The following FYN variants were observed in gnomAD, a reference collection of about 807,000 sequenced individuals.
The protein encoded by FYN is tyrosine-protein kinase Fyn.
Under a neutral mutation model 70.2 loss-of-function variants are expected in FYN, and 10 were observed. That is an observed-to-expected ratio of 0.14 (90% CI 0.09 to 0.24). The LOEUF is 0.24. FYN is among the 10% of genes least tolerant of loss of function. The pLI is 1.00. For missense variants in FYN, 319 were observed against 673.1 expected (o/e 0.47, Z 5.82); for synonymous variants, 236 against 248.6 (o/e 0.95, Z 0.48).
intron 2 of FYN, among the ~76,000 whole-genome samples, chr6:111,806,193 G>A (rs1772141510): frequency 6.6e-6 from 1 of 152,158 alleles, no homozygotes; most frequent in South Asian, 2.1e-4. Context: ...TGTGTTCGGA[G>A]ATGAAATACA....
intron 2 of FYN, among the ~76,000 whole-genome samples, chr6:111,826,027 G>A (rs982402563): frequency 1.3e-5 from 2 of 152,118 alleles, no homozygotes; most frequent in African/African-American, 2.4e-5. Context: ...ACAACCATGG[G>A]AGTAGAAGCA....
intron 1 of FYN, among the ~76,000 whole-genome samples, chr6:111,866,910 C>G (rs1277845181): frequency 1.3e-5 from 2 of 152,296 alleles, no homozygotes; most frequent in African/African-American, 4.8e-5. Context: ...ACTTCTCCCC[C>G]TCTAGTTCTC....
intron 2 of FYN, among the ~76,000 whole-genome samples, chr6:111,800,575 A>G (rs1046815596): frequency 1.3e-5 from 2 of 152,220 alleles, no homozygotes; most frequent in Non-Finnish European, 1.5e-5. Context: ...CGCTTCCTAA[A>G]TCTGTCACAG....
At chr6:111,678,366 C>A (rs897525378) in intron 12 of FYN, among the ~76,000 whole-genome samples, 4 of 152,062 alleles carry the variant, frequency 2.6e-5, no homozygotes, top group African/African-American at 9.7e-5. Context: ...ATATATAAGA[C>A]CAGTTAGCCT....
chr6:111,670,708 T>C (rs1048702830), intron 13 of FYN, among the ~76,000 whole-genome samples: 2 of 120,106 alleles, frequency 1.7e-5, no homozygotes. Context: ...CAGGGTGAGA[T>C]AACCAGGTCT....
intron 8 of FYN, chr6:111,702,534 T>C (rs768156367): frequency 5.6e-6 from 1 of 179,400 alleles, no homozygotes; most frequent in Non-Finnish European, 1.2e-5. Flanking sequence ...GGAGTCCCCA[T>C]GTAAGCGCCC....
chr6:111,742,485 A>G (rs1446609806), intron 3 of FYN, among the ~76,000 whole-genome samples: 1 of 152,222 alleles, frequency 6.6e-6, no homozygotes, highest in East Asian at 1.9e-4. Context: ...ATATTCAGCA[A>G]CTTCTAACCC....
chr6:111,822,439 T>C (rs932916524), intron 2 of FYN, among the ~76,000 whole-genome samples: 1 of 151,570 alleles, frequency 6.6e-6, no homozygotes, highest in Non-Finnish European at 1.5e-5. Flanking sequence ...ATGAGAACAC[T>C]TGGACACAGG....
chr6:111,678,106 ATATGTG>A (rs71021859), intron 12 of FYN, among the ~76,000 whole-genome samples: 47,842 of 118,432 alleles, frequency 0.4, 8,528 homozygotes, highest in East Asian at 0.58. Flanking sequence ...GAAGGCCATA[ATATGTG>A]TGTGTGTGTG....
intron 2 of FYN, among the ~76,000 whole-genome samples, chr6:111,798,070 TA>T (rs1771874885): frequency 6.6e-6 from 1 of 152,174 alleles, no homozygotes; most frequent in Non-Finnish European, 1.5e-5. Flanking sequence ...GACCCTAGTT[TA>T]AATACATCTT....
chr6:111,755,645 T>G (rs960432429), intron 3 of FYN, among the ~76,000 whole-genome samples: 3 of 152,212 alleles, frequency 2.0e-5, no homozygotes, highest in Non-Finnish European at 4.4e-5. Flanking sequence ...CAATGCATTT[T>G]GTGGAAATAG....
intron 2 of FYN, among the ~76,000 whole-genome samples, chr6:111,797,778 T>A (rs1418834123): frequency 6.6e-6 from 1 of 150,748 alleles, no homozygotes; most frequent in East Asian, 1.9e-4. Flanking sequence ...TTTTTCTTTT[T>A]TTGAGATGGA....
intron 3 of FYN, among the ~76,000 whole-genome samples, chr6:111,734,853 A>G (rs1229487971): frequency 1.3e-5 from 2 of 152,156 alleles, no homozygotes; most frequent in African/African-American, 4.8e-5. Context: ...GCATATTTTG[A>G]TCCCCTTTAT....
At chr6:111,840,681 A>G (rs1173685396) in intron 2 of FYN, among the ~76,000 whole-genome samples, 1 of 152,198 alleles carries the variant, frequency 6.6e-6, no homozygotes, top group South Asian at 2.1e-4. Context: ...GAAAAGCTTA[A>G]ATTTTTATGT....
At chr6:111,697,507 A>T (rs1301360358) in intron 9 of FYN, among the ~76,000 whole-genome samples, 1 of 152,246 alleles carries the variant, frequency 6.6e-6, no homozygotes, top group Non-Finnish European at 1.5e-5. Context: ...CCTGTTAAAG[A>T]CATGGTTCAT....
At chr6:111,682,736 G>T (rs1798829719) in intron 12 of FYN, among the ~76,000 whole-genome samples, 1 of 152,202 alleles carries the variant, frequency 6.6e-6, no homozygotes, top group African/African-American at 2.4e-5. Flanking sequence ...GTATCCCTGT[G>T]CTTGCACACT....
chr6:111,812,604 CTTTT>C (rs369326017), intron 2 of FYN, among the ~76,000 whole-genome samples: 6 of 101,316 alleles, frequency 5.9e-5, no homozygotes, highest in African/African-American at 1.7e-4. Flanking sequence ...AGAAATTTTC[CTTTT>C]TTTTTTTTTT....
chr6:111,801,874 T>G (rs534101315), intron 2 of FYN, among the ~76,000 whole-genome samples: 1 of 152,282 alleles, frequency 6.6e-6, no homozygotes, highest in African/African-American at 2.4e-5. Flanking sequence ...TTAAATCTGT[T>G]AGGCACCAGG....
chr6:111,730,702 GA>G (rs1801409522), intron 3 of FYN, among the ~76,000 whole-genome samples: 2 of 152,188 alleles, frequency 1.3e-5, no homozygotes, highest in African/African-American at 4.8e-5. Context: ...GCAGGGCACA[GA>G]ACAGTAGGCA....
Sources: gnomAD v4.1 joint callset for allele counts (sites outside exome capture counted in the v4.1 genomes callset) on GRCh38, gnomAD v4.1.1 for gene constraint, MANE v1.5 for transcripts, NCBI Gene and HGNC (gene_info 2026-07-23, HGNC 2026-07-21) for gene names.